Variants in ASAP1 observed in about 807,000 individuals in gnomAD.
ASAP1 encodes arf-GAP with SH3 domain, ANK repeat and PH domain-containing protein 1.
Under a neutral mutation model 145.2 loss-of-function variants are expected in ASAP1, and 43 were observed. The observed-to-expected ratio is 0.30, with a 90% CI of 0.23 to 0.38. ASAP1 has a LOEUF of 0.38. Ranked by LOEUF, ASAP1 falls within the 10% of genes least tolerant of loss-of-function variation. The pLI, the probability that ASAP1 is intolerant of heterozygous loss-of-function variation, is 1.00. For synonymous variants in ASAP1, 546 were observed against 515.5 expected (o/e 1.06, Z -0.80); for missense variants, 1,018 against 1,355.3 (o/e 0.75, Z 3.91).
chr8:130,215,987 A>AAGGAG (rs1272279241), intron 4 of ASAP1, among the ~76,000 whole-genome samples: 90 of 128,090 alleles, frequency 7.0e-4, no homozygotes, highest in Non-Finnish European at 1.2e-3. Context: ...AAGGAAAGGA[A>AAGGAG]AGGAAAGGAA....
chr8:130,302,993 C>T (rs371608694), intron 3 of ASAP1, among the ~76,000 whole-genome samples: 5 of 151,806 alleles, frequency 3.3e-5, no homozygotes, highest in South Asian at 2.1e-4. Context: ...TAAGTCACCA[C>T]GGGAAAAAAA....
intron 5 of ASAP1, among the ~76,000 whole-genome samples, chr8:130,209,557 A>C (rs1816447739): frequency 6.6e-6 from 1 of 152,058 alleles, no homozygotes; most frequent in Non-Finnish European, 1.5e-5. Context: ...CAGTAAAAAA[A>C]AAAAAAAGAA....
chr8:130,365,928 T>C (rs961723771), intron 2 of ASAP1, among the ~76,000 whole-genome samples: 14 of 151,816 alleles, frequency 9.2e-5, no homozygotes, highest in African/African-American at 2.4e-4. Context: ...GTTTTTAGAG[T>C]CGCTGTCATT....
At chr8:130,113,822 C>T (rs2097550439) in intron 23 of ASAP1, among the ~76,000 whole-genome samples, 1 of 151,996 alleles carries the variant, frequency 6.6e-6, no homozygotes, top group Non-Finnish European at 1.5e-5. Context: ...GACACCCACA[C>T]CCAGGCTGGA....
rs566388805 is a variant in ASAP1 at position 130,109,193 on chromosome 8, G to GGGACCCCACATCTGAAGAGGGGTTA, written c.2401+2876_2401+2900dup. ...TTTTACAGCTTTGATTTAGTCTCTC[G>GGGACCCCACATCTGAAGAGGGGTTA]GGACCCCACATCTGAAGAGGGGTTA... On this transcript the variant is annotated intron_variant, in intron 24 of 29. Transcript: ENST00000518721. 2.5e-3 allele frequency among the ~76,000 whole-genome samples: 387 copies of GGGACCCCACATCTGAAGAGGGGTTA among 152,160 alleles called. 1 individual carries two copies. Among genetic ancestry groups the GGGACCCCACATCTGAAGAGGGGTTA allele is most frequent in the African/African-American group, 8.9e-3 (370 of 41,518 alleles).
chr8:130,230,673 C>CTTTTGAGATAGAAAAGGCTTT (rs1817860081), intron 4 of ASAP1, among the ~76,000 whole-genome samples: 1 of 152,024 alleles, frequency 6.6e-6, no homozygotes, highest in Non-Finnish European at 1.5e-5. Context: ...TATCTAAAGC[C>CTTTTGAGATAGAAAAGGCTTT]TTTTGAGAGC....
chr8:130,344,470 G>T (rs1194415473), intron 3 of ASAP1, among the ~76,000 whole-genome samples: 1 of 151,966 alleles, frequency 6.6e-6, no homozygotes, highest in East Asian at 1.9e-4. Context: ...AAAAATCAGG[G>T]GAAGGAGGCA....
intron 25 of ASAP1, among the ~76,000 whole-genome samples, chr8:130,085,948 T>G (rs565871258): frequency 2.6e-5 from 4 of 152,134 alleles, no homozygotes; most frequent in African/African-American, 9.7e-5. Context: ...GTGGATGTTG[T>G]GGTTCTGGCA....
At chr8:130,429,855 G>A (rs1830076975) in intron 1 of ASAP1, among the ~76,000 whole-genome samples, 1 of 152,218 alleles carries the variant, frequency 6.6e-6, no homozygotes, top group African/African-American at 2.4e-5. Context: ...ACTAATTCAT[G>A]TGGCCCTGCT....
At chr8:130,405,218 G>A (rs1302695393) in intron 1 of ASAP1, among the ~76,000 whole-genome samples, 2 of 152,112 alleles carry the variant, frequency 1.3e-5, no homozygotes, top group Non-Finnish European at 2.9e-5. Flanking sequence ...CACCTCCTTG[G>A]TGCCAGTTGG....
Position 130,214,592 on chromosome 8 carries a change from A to G in ASAP1, c.369T>C (p.Thr123=). The stretch of plus-strand genomic sequence containing the variant: ...GCAGTGTGGACAGTTCCTTTGTAAG[A>G]GTAGAAAACTTGACAAACGCGGTGC... ...DLGTAFVKFS[T]LTKELSTLLK... is the part of the protein sequence containing the mutation. Residue 123 remains threonine, a synonymous_variant, in exon 5 of 30, where the codon ACT becomes ACC. Coordinates refer to ENST00000518721, the MANE Select transcript of ASAP1 (RefSeq NM_018482.4). 1 of 1,612,486 alleles carries G rather than the reference A, an allele frequency of 6.2e-7. No homozygotes were observed. The highest frequency in any genetic ancestry group is 8.5e-7 in the Non-Finnish European group (1 of 1,179,504).
intron 13 of ASAP1, among the ~76,000 whole-genome samples, chr8:130,148,298 C>A (rs1586442718): frequency 6.6e-6 from 1 of 152,236 alleles, no homozygotes; most frequent in Admixed American, 6.5e-5. Flanking sequence ...TTACAAACTT[C>A]ATGACCCTGA....
intron 3 of ASAP1, among the ~76,000 whole-genome samples, chr8:130,328,627 TA>T (rs1453771690): frequency 6.6e-6 from 1 of 150,818 alleles, no homozygotes; most frequent in Non-Finnish European, 1.5e-5. Context: ...TTTTTTTTTT[TA>T]AGAGACAAGG....
At chr8:130,150,054 G>C (rs1012264869) in intron 13 of ASAP1, among the ~76,000 whole-genome samples, 1 of 152,182 alleles carries the variant, frequency 6.6e-6, no homozygotes, top group Non-Finnish European at 1.5e-5. Context: ...AACGGTAATA[G>C]CAGCAATAAG....
intron 2 of ASAP1, among the ~76,000 whole-genome samples, chr8:130,385,838 A>G (rs1586950963): frequency 6.6e-6 from 1 of 152,148 alleles, no homozygotes; most frequent in African/African-American, 2.4e-5. Context: ...AGCACCCAGT[A>G]CTCCTGCCGG....
At chr8:130,191,054 T>G (rs1038899668) in intron 5 of ASAP1, among the ~76,000 whole-genome samples, 3 of 152,060 alleles carry the variant, frequency 2.0e-5, no homozygotes, top group Non-Finnish European at 4.4e-5. Context: ...AAATAGTTTT[T>G]TTTTTTTTTT....
At chr8:130,340,978 G>C in intron 3 of ASAP1, 1 of 443,516 alleles carries the variant, frequency 2.3e-6, no homozygotes, top group Non-Finnish European at 4.5e-6. Flanking sequence ...TTTTGTTTTT[G>C]TTTTGTCGCT....
At chr8:130,168,952 G>A (rs1030985555) in intron 10 of ASAP1, 40 bp downstream of exon 10, 2 of 1,223,864 alleles carry the variant, frequency 1.6e-6, no homozygotes, top group South Asian at 2.7e-5. Context: ...ACTTATCCAT[G>A]AAAGCAAGTT....
intron 12 of ASAP1, 101 bp downstream of exon 12, chr8:130,159,763 T>C: frequency 1.1e-6 from 1 of 881,810 alleles, no homozygotes; most frequent in South Asian, 1.4e-5. Context: ...GGTCTGCAGC[T>C]AGTGTATTAT....
Sources: gnomAD v4.1 joint callset for allele counts (sites outside exome capture counted in the v4.1 genomes callset) on GRCh38, gnomAD v4.1.1 for gene constraint, MANE v1.5 for transcripts, NCBI Gene and HGNC (gene_info 2026-07-23, HGNC 2026-07-21) for gene names.